The following SLC7A1 variants were observed in gnomAD, a reference collection of about 807,000 sequenced individuals.
The protein encoded by SLC7A1 is solute carrier family 7 member 1.
A neutral mutation model predicts 53.9 loss-of-function variants in SLC7A1; 10 were observed. The ratio of observed to expected loss-of-function variants is 0.19; its 90% CI spans 0.11 to 0.31. SLC7A1 has a LOEUF of 0.31. SLC7A1 is among the 10% of genes least tolerant of loss of function. The pLI, the probability that SLC7A1 is intolerant of heterozygous loss-of-function variation, is 1.00. For missense variants in SLC7A1, 525 were observed against 827.2 expected (o/e 0.63, Z 4.48); for synonymous variants, 342 against 338.7 (o/e 1.01, Z -0.11).
At chr13:29,553,909 A>G (rs188569587) in intron 1 of SLC7A1, 49 bp from the exon 2 acceptor site, 2 of 151,456 alleles carry the variant, frequency 1.3e-5, no homozygotes, top group African/African-American at 4.9e-5. Flanking sequence ...CAACCTCAGA[A>G]TCTCTAAGTC....
At chr13:29,523,570 T>A (rs1015822753) in intron 6 of SLC7A1, 82 bp from the exon 7 acceptor site, 45 of 1,074,166 alleles carry the variant, frequency 4.2e-5, no homozygotes, top group Non-Finnish European at 6.3e-5. Context: ...GGCCTCTCAG[T>A]GCCCCGGAAC....
intron 2 of SLC7A1, among the ~76,000 whole-genome samples, chr13:29,536,906 G>A (rs775753401): frequency 3.9e-5 from 6 of 152,230 alleles, no homozygotes; most frequent in Admixed American, 1.3e-4. Context: ...TATCTGATAT[G>A]CTCTTGGGCA....
At chr13:29,556,720 C>A (rs1390518895) in intron 1 of SLC7A1, among the ~76,000 whole-genome samples, 2 of 152,166 alleles carry the variant, frequency 1.3e-5, no homozygotes, top group African/African-American at 2.4e-5. Flanking sequence ...TAGACACAAC[C>A]CACATAAGGA....
intron 1 of SLC7A1, among the ~76,000 whole-genome samples, chr13:29,571,703 G>C (rs1871200088): frequency 6.6e-6 from 1 of 152,224 alleles, no homozygotes; most frequent in African/African-American, 2.4e-5. Context: ...TCTGAACTCA[G>C]GCGGAAAAGG....
chr13:29,557,820 G>A (rs555648469), intron 1 of SLC7A1, among the ~76,000 whole-genome samples: 13 of 24,318 alleles, frequency 5.3e-4, no homozygotes, highest in African/African-American at 2.2e-3. Context: ...GTGAGGGGGA[G>A]TGAATGTGAG....
chr13:29,580,642 G>A (rs773252969), intron 1 of SLC7A1, among the ~76,000 whole-genome samples: 51 of 152,188 alleles, frequency 3.4e-4, no homozygotes, highest in Non-Finnish European at 2.2e-4. Context: ...AAGGTGATGA[G>A]TGCTATAAAG....
intron 2 of SLC7A1, among the ~76,000 whole-genome samples, chr13:29,548,217 G>A (rs929741613): frequency 1.3e-5 from 2 of 152,204 alleles, no homozygotes; most frequent in Admixed American, 6.5e-5. Flanking sequence ...AAGCTGATAT[G>A]AGTACCAAAG....
rs1883378187 is a variant in SLC7A1 at position 29,511,144 on chromosome 13, A to T, written c.*3336T>A. On this transcript the variant is annotated 3_prime_UTR_variant, in exon 13 of 13. Coordinates refer to ENST00000380752, the MANE Select transcript of SLC7A1 (RefSeq NM_003045.5). ...TGCACCCTTCCAGCTGTGCACAGGGATGTGCTGAAGGTGCAGGAGGCAGTG... is the reference window on the plus strand; with the variant it reads ...TGCACCCTTCCAGCTGTGCACAGGGTTGTGCTGAAGGTGCAGGAGGCAGTG... The T allele has an allele frequency of 6.6e-6, 1 of 152,396 alleles. No individual in the cohort carries two copies. Among genetic ancestry groups the T allele is most frequent in the Non-Finnish European group, 1.5e-5 (1 of 68,216 alleles). The allele number at this position is 152,396 out of a possible 1,614,324, so 9.4% of individuals were successfully genotyped here.
At chr13:29,545,424 A>C (rs1014058806) in intron 2 of SLC7A1, among the ~76,000 whole-genome samples, 2 of 152,076 alleles carry the variant, frequency 1.3e-5, no homozygotes, top group African/African-American at 4.8e-5. Context: ...CATTGTGTTC[A>C]ACAAGGCACA....
intron 1 of SLC7A1, among the ~76,000 whole-genome samples, chr13:29,557,158 G>A (rs144449243): frequency 5.3e-5 from 8 of 152,236 alleles, no homozygotes; most frequent in Middle Eastern, 3.4e-3. Flanking sequence ...GCAATGCTAC[G>A]CCTCAGACGT....
At chr13:29,560,182 G>A (rs1216860505) in intron 1 of SLC7A1, among the ~76,000 whole-genome samples, 1 of 151,384 alleles carries the variant, frequency 6.6e-6, no homozygotes, top group Non-Finnish European at 1.5e-5. Flanking sequence ...CCAAGATGCA[G>A]ACAAACACAT....
chr13:29,590,161 G>C (rs1193246857), intron 1 of SLC7A1, among the ~76,000 whole-genome samples: 1 of 152,150 alleles, frequency 6.6e-6, no homozygotes, highest in Non-Finnish European at 1.5e-5. Flanking sequence ...GCTGCCCCCA[G>C]GTGGGTGTCG....
chr13:29,581,849 T>G (rs1048057579), intron 1 of SLC7A1, among the ~76,000 whole-genome samples: 1 of 152,238 alleles, frequency 6.6e-6, no homozygotes, highest in African/African-American at 2.4e-5. Flanking sequence ...CCCAGCCTTC[T>G]GGAGGAATCA....
At chr13:29,576,443 C>G (rs1871418726) in intron 1 of SLC7A1, among the ~76,000 whole-genome samples, 1 of 152,156 alleles carries the variant, frequency 6.6e-6, no homozygotes, top group African/African-American at 2.4e-5. Context: ...AATTGGGAAT[C>G]AGTTACTTGC....
At chr13:29,565,826 C>T (rs1393647725) in intron 1 of SLC7A1, among the ~76,000 whole-genome samples, 1 of 152,228 alleles carries the variant, frequency 6.6e-6, no homozygotes, top group Non-Finnish European at 1.5e-5. Flanking sequence ...CGGGCAGCCT[C>T]TTCAAGTTAT....
At chr13:29,540,198 G>A (rs1316031328) in intron 2 of SLC7A1, among the ~76,000 whole-genome samples, 1 of 152,178 alleles carries the variant, frequency 6.6e-6, no homozygotes, top group Non-Finnish European at 1.5e-5. Flanking sequence ...GGTTTACACA[G>A]AAAGTTGCCA....
rs376139739 is a variant in SLC7A1 at position 29,538,099 on chromosome 13, A to G, written c.-14-1897T>C. On this transcript the variant is annotated intron_variant, in intron 2 of 12. Coordinates refer to ENST00000380752, the MANE Select transcript of SLC7A1 (RefSeq NM_003045.5). The stretch of plus-strand genomic sequence containing the variant: ...AAGAGAATAATCTCAAGACTCATAA[A>G]ATTTTGAGCTAGAATGGGGAATAAA... 3.9e-5 allele frequency among the ~76,000 whole-genome samples: 6 copies of G among 152,122 alleles called. No homozygotes were observed. In the East Asian group the frequency reaches 5.8e-4, roughly 15 times the overall value.
At chr13:29,561,589 A>G (rs756550764) in intron 1 of SLC7A1, among the ~76,000 whole-genome samples, 3 of 152,212 alleles carry the variant, frequency 2.0e-5, no homozygotes, top group Non-Finnish European at 2.9e-5. Flanking sequence ...TGAAATTTCC[A>G]TGAGTTTTTT....
At chr13:29,569,718 T>A (rs577329702) in intron 1 of SLC7A1, among the ~76,000 whole-genome samples, 1 of 152,318 alleles carries the variant, frequency 6.6e-6, no homozygotes, top group Non-Finnish European at 1.5e-5. Context: ...TGTAATGCAA[T>A]AACATCTGAG....
Sources: gnomAD v4.1 joint callset for allele counts (sites outside exome capture counted in the v4.1 genomes callset) on GRCh38, gnomAD v4.1.1 for gene constraint, MANE v1.5 for transcripts, NCBI Gene and HGNC (gene_info 2026-07-23, HGNC 2026-07-21) for gene names.